Variants in CLCN2 observed in about 807,000 individuals in gnomAD.
CLCN2 encodes the protein chloride voltage-gated channel 2.
In CLCN2, 72 loss-of-function variants were observed where a neutral mutation model predicts 108.3. The observed-to-expected ratio is 0.66, with a 90% CI of 0.55 to 0.81. The LOEUF is 0.81. CLCN2 is among the 30% of genes least tolerant of loss of function. The pLI, the probability that CLCN2 is intolerant of heterozygous loss-of-function variation, is 0.00. For synonymous variants in CLCN2, 471 were observed against 467.1 expected (o/e 1.01, Z -0.11); for missense variants, 1,048 against 1,205.2 (o/e 0.87, Z 1.93).
At position 184,359,289 on chromosome 3, in the gene CLCN2, C is replaced by T. The variant is rs550301134; in HGVS notation, c.64-158G>A. On this transcript the variant is annotated intron_variant, in intron 1 of 23. Transcript: ENST00000265593. ...TCTGGCCCGAGGTGTGGGAACAATG[C>T]ACATTGCAGACTGTGGAGGCTGTCC... 2.0e-5 allele frequency among the ~76,000 whole-genome samples: 3 copies of T among 152,306 alleles called. No individual in the cohort carries two copies. In the South Asian group the frequency reaches 6.2e-4, roughly 32 times the overall value.
In CLCN2 at chr3:184,352,199, C is replaced by G. The variant is rs1308276185; in HGVS notation, c.2311-82G>C. The G allele has an allele frequency of 3.1e-6, 5 of 1,601,310 alleles. No individual in the cohort carries two copies. In the South Asian group the frequency reaches 5.5e-5, roughly 18 times the overall value. ...CCCTGAAAGCTGGCCTGCCCTTTTTCCAACCCCGTGGTCCCTCCCATGGGG... is the reference window on the plus strand; with the variant it reads ...CCCTGAAAGCTGGCCTGCCCTTTTTGCAACCCCGTGGTCCCTCCCATGGGG... On this transcript the variant is annotated intron_variant, in intron 21 of 23. Coordinates refer to ENST00000265593, the MANE Select transcript of CLCN2 (RefSeq NM_004366.6).
chr3:184,352,144 G>A lies in CLCN2; in HGVS notation c.2311-27C>T, dbSNP rs777473026. 25 of 1,601,844 alleles carry A rather than the reference G, an allele frequency of 1.6e-5. No homozygotes were observed. The Middle Eastern group carries it at 6.6e-4, about 42-fold the overall frequency. On this transcript the variant is annotated intron_variant, in intron 21 of 23. Transcript: ENST00000265593. ...TGAGGGGAAGAGACTATGAGGTTTA[G>A]GGAGAAGGTGCCTGTAGCTGACCTC... is the stretch of plus-strand genomic sequence containing the variant.
At position 184,346,569 on chromosome 3, in the gene CLCN2, G is replaced by C. The variant is rs772688581; in HGVS notation, c.*37C>G. ...AAAGATGCACATTCTGGGCTGACGG[G>C]CATGGCTAGCACCATCCTAGGCCAC... On this transcript the variant is annotated 3_prime_UTR_variant, in exon 24 of 24. Transcript: ENST00000265593. The surrounding 1 kb of genome is among the most constrained non-coding windows in gnomAD (Gnocchi z 6.0). The C allele has an allele frequency of 1.2e-6, 2 of 1,607,180 alleles. No homozygotes were observed.
Position 184,361,426 on chromosome 3 carries a change from C to T in CLCN2, c.54G>A (p.Glu18=), listed in dbSNP as rs1476160247. The change falls in exon 1 of 24, where the codon GAG becomes GAA. Residue 18 remains glutamate, a synonymous_variant. Transcript: ENST00000265593. This position sits in a 1 kb window ranked among gnomAD's most constrained non-coding sequence, Gnocchi z 6.6. Reference sequence around the variant, plus strand: ...GCTCAGCTTCACTTACCAGGGTCTGCTCGTACTGCAGCGCCCGTGGCTCCA... The same window carrying T: ...GCTCAGCTTCACTTACCAGGGTCTGTTCGTACTGCAGCGCCCGTGGCTCCA... ...EGMEPRALQY[E]QTLMYGRYTQ... 1 of 1,613,626 alleles carries T rather than the reference C, an allele frequency of 6.2e-7. No homozygotes were observed. Among genetic ancestry groups the T allele is most frequent in the Admixed American group, 1.7e-5 (1 of 60,032 alleles).
chr3:184,346,801 C>T lies in CLCN2; in HGVS notation c.2503-1G>A. The T allele has an allele frequency of 6.2e-7, 1 of 1,614,026 alleles. No homozygotes were observed. The highest frequency in any genetic ancestry group is 8.5e-7 in the Non-Finnish European group (1 of 1,180,008). On this transcript the variant is annotated splice_acceptor_variant, in intron 23 of 23. Transcript: ENST00000265593. LOFTEE classifies it high-confidence loss of function. This position sits in a 1 kb window ranked among gnomAD's most constrained non-coding sequence, Gnocchi z 6.0. ...CAGAGCCCTCGATGGCCTTCCGGAG[C>T]TGGAAAGGTGAGAGGGACAGATGTC... is the stretch of plus-strand genomic sequence containing the variant.
Position 184,346,956 on chromosome 3 carries a change from A to C in CLCN2, c.2481T>G (p.Ile827Met). 1 of 1,614,116 alleles carries C rather than the reference A, an allele frequency of 6.2e-7. No homozygotes were observed. The highest frequency in any genetic ancestry group is 8.5e-7 in the Non-Finnish European group (1 of 1,179,964). Residue 827 changes from isoleucine to methionine, a missense_variant, in exon 23 of 24, where the codon ATT (isoleucine) becomes ATG (methionine). Ile to Met is a conservative substitution (Grantham distance 10). Coordinates refer to ENST00000265593, the MANE Select transcript of CLCN2 (RefSeq NM_004366.6). The surrounding 1 kb of genome is among the most constrained non-coding windows in gnomAD (Gnocchi z 6.0). ...HAYVTSIGRLIGIVTLKELRK... is the reference protein window; with the variant it reads ...HAYVTSIGRLMGIVTLKELRK... ...TCACCTCCTTTAGAGTAACGATTCC[A>C]ATGAGTCTGCCAATACTGGTGACAT... is the stretch of plus-strand genomic sequence containing the variant.
intron 22 of CLCN2, 91 bp from the exon 23 acceptor site, chr3:184,347,112 G>T: frequency 9.4e-7 from 1 of 1,060,490 alleles, no homozygotes. Context: ...GGTTGGTGTG[G>T]AATAGGAGGG....
At position 184,354,214 on chromosome 3, in the gene CLCN2, G is replaced by A. The variant is rs776493182; in HGVS notation, c.1608C>T (p.Ile536=). The change falls in exon 15 of 24, where the codon ATC becomes ATT. Residue 536 remains isoleucine, a synonymous_variant. Transcript: ENST00000265593. ...GQIAHILPVM[I]AVILANAVAQ... ...CGACAGCGTTGGCCAGGATGACGGCGATCATGACAGGCAGGATGTGGGCAA... is the reference window on the plus strand; with the variant it reads ...CGACAGCGTTGGCCAGGATGACGGCAATCATGACAGGCAGGATGTGGGCAA... 52 of 1,613,298 alleles carry A rather than the reference G, an allele frequency of 3.2e-5. No homozygotes were observed. Among genetic ancestry groups the A allele is most frequent in the African/African-American group, 9.4e-5 (7 of 74,762 alleles).
Position 184,361,418 on chromosome 3 carries a change from A to AG in CLCN2, c.61dup (p.Leu21ProfsTer27), listed in dbSNP as rs1303361703. Reference sequence around the variant, plus strand: ...GGGGCTCAGCTCAGCTTCACTTACCAGGGTCTGCTCGTACTGCAGCGCCCG... The same window carrying AG: ...GGGGCTCAGCTCAGCTTCACTTACCAGGGGTCTGCTCGTACTGCAGCGCCCG... On this transcript the variant is annotated frameshift_variant and splice_region_variant, in exon 1 of 24. Transcript: ENST00000265593. LOFTEE classifies it high-confidence loss of function. This position sits in a 1 kb window ranked among gnomAD's most constrained non-coding sequence, Gnocchi z 6.6. 1.9e-5 allele frequency: 31 copies of AG among 1,613,490 alleles called. No individual in the cohort carries two copies. The East Asian group carries it at 6.9e-4, about 36-fold the overall frequency.
rs1728603242 is a variant in CLCN2 at position 184,357,029 on chromosome 3, C to T, written c.1049G>A (p.Arg350Gln). Residue 350 changes from arginine to glutamine, a missense_variant, in exon 10 of 24, where the codon CGG (arginine) becomes CAG (glutamine). Physicochemically the swap from Arg to Gln is conservative, Grantham distance 43. Transcript: ENST00000265593. ...GAAGCGATTGATGGTTTTCTGCTTC[C>T]GCATCACCTGGACAATCTTCCGGTT... ...YLNRKIVQVM[R>Q]KQKTINRFLM... is the part of the protein sequence containing the mutation. 1 of 1,613,636 alleles carries T rather than the reference C, an allele frequency of 6.2e-7. No individual in the cohort carries two copies. The highest frequency in any genetic ancestry group is 8.5e-7 in the Non-Finnish European group (1 of 1,179,902).
At chr3:184,351,779 C>G (rs563247936) in intron 22 of CLCN2, among the ~76,000 whole-genome samples, 1 of 152,176 alleles carries the variant, frequency 6.6e-6, no homozygotes, top group African/African-American at 2.4e-5. Context: ...AGAGTTCCCT[C>G]GAGGGCAAGG....
Position 184,355,597 on chromosome 3 carries a change from C to A in CLCN2, c.1171-68G>T. ...GAAGGGAAGAGGCCATGGGATCCCA[C>A]GGGGAACAAGGGGTCCCACAGTCAC... On this transcript the variant is annotated intron_variant, in intron 11 of 23. Transcript: ENST00000265593. This position sits in a 1 kb window ranked among gnomAD's most constrained non-coding sequence, Gnocchi z 6.3. The A allele has an allele frequency of 6.2e-7, 1 of 1,605,614 alleles. No homozygotes were observed. Among genetic ancestry groups the A allele is most frequent in the Non-Finnish European group, 8.5e-7 (1 of 1,172,390 alleles).
rs1728513206 is a variant in CLCN2, at chr3:184,355,873, T to C, written c.1086-95A>G. The C allele has an allele frequency of 1.0e-6, 1 of 966,614 alleles. No homozygotes were observed. Among genetic ancestry groups the C allele is most frequent in the African/African-American group, 1.6e-5 (1 of 61,962 alleles). 59.9% of individuals were successfully genotyped at this position (966,614 alleles called of 1,614,324 possible). On this transcript the variant is annotated intron_variant, in intron 10 of 23. Transcript: ENST00000265593. This position sits in a 1 kb window ranked among gnomAD's most constrained non-coding sequence, Gnocchi z 6.3. ...AGGTCAGAGCAGAGCCTTGGCTCTT[T>C]CATGAAAACACTCAGTCCTGACAGA...
At chr3:184,351,878 A>C in intron 22 of CLCN2, 135 bp downstream of exon 22, 2 of 760,216 alleles carry the variant, frequency 2.6e-6, no homozygotes, top group Middle Eastern at 3.6e-4. Context: ...ATGTCTAAAA[A>C]ACATCTCCGC....
intron 10 of CLCN2, chr3:184,356,684 T>G: frequency 2.5e-6 from 1 of 397,940 alleles, no homozygotes; most frequent in Non-Finnish European, 4.7e-6. Context: ...CCATGGGTCA[T>G]GGGGGGAACC....
intron 1 of CLCN2, among the ~76,000 whole-genome samples, chr3:184,360,152 G>A (rs963509235): frequency 5.9e-5 from 9 of 152,022 alleles, no homozygotes; most frequent in African/African-American, 1.7e-4. Context: ...GAAGAAGTAC[G>A]GAGGAGGAAG....
In CLCN2 at chr3:184,357,277, G is replaced by A. The variant is rs766461290; in HGVS notation, c.899-11C>T. 4 of 1,614,032 alleles carry A rather than the reference G, an allele frequency of 2.5e-6. No homozygotes were observed. In the South Asian group the frequency reaches 3.3e-5, roughly 13 times the overall value. ...GGGCTGTAATAGTCTCTAAAGGGAA[G>A]AACAGCAGAGGGAGGCAGGCCTAGC... is the stretch of plus-strand genomic sequence containing the variant. On this transcript the variant is annotated splice_polypyrimidine_tract_variant and intron_variant, in intron 8 of 23. Coordinates refer to ENST00000265593, the MANE Select transcript of CLCN2 (RefSeq NM_004366.6).
intron 15 of CLCN2, 23 bp from the exon 16 acceptor site, chr3:184,353,818 G>A (rs757008455): frequency 1.4e-5 from 22 of 1,600,240 alleles, no homozygotes; most frequent in Middle Eastern, 1.7e-4. Flanking sequence ...AGAGGCGCTT[G>A]GTTTGTGGTC....
intron 22 of CLCN2, chr3:184,348,024 G>A (rs900948368): frequency 3.3e-5 from 5 of 152,200 alleles, no homozygotes; most frequent in African/African-American, 1.2e-4. Flanking sequence ...CTTAATGTTT[G>A]AATCAAGATG....
Sources: allele counts gnomAD v4.1 joint callset (sites outside exome capture counted in the v4.1 genomes callset), GRCh38; gene constraint gnomAD v4.1.1; non-coding constraint Gnocchi (gnomAD v3.1); transcripts MANE v1.5; gene names NCBI Gene and HGNC (gene_info 2026-07-23, HGNC 2026-07-21).